Variants in DLG2 observed in about 807,000 individuals in gnomAD.
DLG2 encodes the protein discs large MAGUK scaffold protein 2, also known as disks large homolog 2.
A neutral mutation model predicts 132.5 loss-of-function variants in DLG2; 45 were observed. The observed-to-expected ratio is 0.34, with a 90% confidence interval of 0.27 to 0.44. DLG2 has a LOEUF of 0.44. DLG2 is among the 20% of genes least tolerant of loss of function. The pLI, the probability that DLG2 is intolerant of heterozygous loss-of-function variation, is 1.00. For synonymous variants in DLG2, 424 were observed against 419.6 expected, an observed-to-expected ratio of 1.01 and a Z score of -0.13; for missense variants, 1,045 against 1,196.9, an observed-to-expected ratio of 0.87 and a Z score of 1.87.
intron 6 of DLG2, among the ~76,000 whole-genome samples, chr11:84,577,054 C>T (rs187899296): frequency 2.9e-4 from 44 of 152,208 alleles, no homozygotes; most frequent in African/African-American, 6.0e-4. Flanking sequence ...AGAAATCTGA[C>T]GGGTTTATCA....
chr11:83,702,300 C>T (rs2083095149), intron 18 of DLG2, among the ~76,000 whole-genome samples: 3 of 152,176 alleles, frequency 2.0e-5, no homozygotes, highest in Admixed American at 2.0e-4. Context: ...CAGTTTCAAA[C>T]ATCTTCTTCT....
chr11:85,013,826 G>C (rs1374430590), intron 6 of DLG2, among the ~76,000 whole-genome samples: 1 of 152,208 alleles, frequency 6.6e-6, no homozygotes, highest in Non-Finnish European at 1.5e-5. Context: ...TGACGTTCAT[G>C]TGAGCAGCAG....
chr11:85,060,929 T>C (rs972988653), intron 6 of DLG2, among the ~76,000 whole-genome samples: 9 of 151,374 alleles, frequency 5.9e-5, no homozygotes, highest in Non-Finnish European at 3.0e-5. Flanking sequence ...TTAATGGTCA[T>C]CTTAACAAGT....
chr11:84,525,531 C>A (rs1272442407), intron 7 of DLG2, among the ~76,000 whole-genome samples: 1 of 152,166 alleles, frequency 6.6e-6, no homozygotes, highest in East Asian at 1.9e-4. Flanking sequence ...AACCCCAATA[C>A]CTCTGCTTTA....
At chr11:84,230,874 T>G (rs1229244973) in intron 8 of DLG2, among the ~76,000 whole-genome samples, 1 of 152,188 alleles carries the variant, frequency 6.6e-6, no homozygotes, top group East Asian at 1.9e-4. Context: ...ATAGCAGTAT[T>G]GGTTATAGTG....
At position 84,534,605 on chromosome 11, in the gene DLG2, C is replaced by T. The variant is rs1313922806; in HGVS notation, c.484G>A (p.Gly162Arg). The change falls in exon 7 of 28, where the codon GGA (glycine) becomes AGA (arginine). Residue 162 changes from glycine (G) to arginine (R), a missense_variant. Physicochemically the swap from Gly to Arg is moderately radical, Grantham distance 125. This residue lies in a region of DLG2 where 277 missense variants were observed against 238.2 expected (regional missense o/e 1.16). Transcript: ENST00000376104. Reference sequence around the variant, plus strand: ...GAAATATGAGACTGCAAGACATATCCATGGACATTTTCTATTTGAGAGAGG... The same window carrying T: ...GAAATATGAGACTGCAAGACATATCTATGGACATTTTCTATTTGAGAGAGG... ...KNLSQIENVH[G>R]YVLQSHISPL... The T allele has an allele frequency of 6.2e-7, 1 of 1,613,970 alleles. No individual in the cohort carries two copies. Among genetic ancestry groups the T allele is most frequent in the Admixed American group, 1.7e-5 (1 of 60,010 alleles).
chr11:84,554,306 G>C (rs2099407596), intron 6 of DLG2, among the ~76,000 whole-genome samples: 1 of 152,166 alleles, frequency 6.6e-6, no homozygotes, highest in South Asian at 2.1e-4. Context: ...AATGTGGATA[G>C]GACTTGCTCA....
intron 3 of DLG2, among the ~76,000 whole-genome samples, chr11:85,538,244 G>C (rs1419483037): frequency 6.6e-6 from 1 of 152,000 alleles, no homozygotes; most frequent in East Asian, 1.9e-4. Flanking sequence ...CCCAAAGCCA[G>C]TCATAAAACC....
At chr11:84,276,019 G>C (rs1450398673) in intron 7 of DLG2, among the ~76,000 whole-genome samples, 1 of 152,028 alleles carries the variant, frequency 6.6e-6, no homozygotes, top group African/African-American at 2.4e-5. Context: ...GTGACACCAA[G>C]AAAAAAATTG....
At chr11:84,038,300 A>AG (rs1170675578) in intron 11 of DLG2, among the ~76,000 whole-genome samples, 2 of 152,040 alleles carry the variant, frequency 1.3e-5, no homozygotes, top group Non-Finnish European at 2.9e-5. Context: ...CAAATTTACA[A>AG]GAAAAAAAAA....
chr11:84,670,442 G>A (rs992269267), intron 6 of DLG2, among the ~76,000 whole-genome samples: 2 of 152,072 alleles, frequency 1.3e-5, no homozygotes, highest in South Asian at 2.1e-4. Context: ...CTCTGCCCAG[G>A]GCTGCGGGAG....
chr11:84,356,878 G>A (rs1294798036), intron 7 of DLG2, among the ~76,000 whole-genome samples: 2 of 152,112 alleles, frequency 1.3e-5, no homozygotes, highest in South Asian at 2.1e-4. Context: ...GTGCAAGAAT[G>A]AGTCATGTGA....
chr11:84,145,711 T>C (rs2095053689), intron 9 of DLG2, among the ~76,000 whole-genome samples: 1 of 152,084 alleles, frequency 6.6e-6, no homozygotes, highest in Non-Finnish European at 1.5e-5. Flanking sequence ...CAGCACTTGT[T>C]AATAATCAGG....
chr11:85,225,432 A>G (rs1462790214), intron 4 of DLG2, among the ~76,000 whole-genome samples: 5 of 152,108 alleles, frequency 3.3e-5, no homozygotes, highest in Non-Finnish European at 5.9e-5. Flanking sequence ...TCCAGCTTCT[A>G]TCTTCAAGGT....
chr11:83,981,224 G>C (rs59860050), intron 11 of DLG2, among the ~76,000 whole-genome samples: 4,081 of 152,186 alleles, frequency 0.027, 176 homozygotes, highest in African/African-American at 0.093. Context: ...ATAAGGAAAA[G>C]AAGCTAGATG....
intron 3 of DLG2, 147 bp downstream of exon 3, chr11:85,598,510 T>A (rs1276379902): frequency 2.2e-6 from 1 of 463,768 alleles, no homozygotes. Flanking sequence ...AAAAACAAAA[T>A]AAAACAAAAC....
chr11:83,756,954 A>G (rs1204172434), intron 18 of DLG2, among the ~76,000 whole-genome samples: 1 of 152,248 alleles, frequency 6.6e-6, no homozygotes, highest in African/African-American at 2.4e-5. Flanking sequence ...AAGCACTAAT[A>G]TAGAAATACA....
chr11:84,651,450 A>T (rs1045134323), intron 6 of DLG2, among the ~76,000 whole-genome samples: 2 of 152,194 alleles, frequency 1.3e-5, no homozygotes, highest in African/African-American at 2.4e-5. Flanking sequence ...ATCCAGATCC[A>T]GAAAACTTTT....
intron 4 of DLG2, among the ~76,000 whole-genome samples, chr11:85,258,122 T>G (rs1161408129): frequency 6.6e-6 from 1 of 152,190 alleles, no homozygotes; most frequent in East Asian, 1.9e-4. Context: ...CTACCAAATT[T>G]AGAGTAATAT....
Sources: gnomAD v4.1 joint callset for allele counts (sites outside exome capture counted in the v4.1 genomes callset) on GRCh38, gnomAD v4.1.1 for gene constraint, gnomAD v4.1.1 regional missense constraint, MANE v1.5 for transcripts, NCBI Gene and HGNC (gene_info 2026-07-23, HGNC 2026-07-21) for gene names.